Variants in AMDHD2 observed in about 807,000 individuals in gnomAD.
AMDHD2 encodes amidohydrolase domain containing 2, also known as N-acetylglucosamine-6-phosphate deacetylase.
A neutral mutation model predicts 41.8 loss-of-function variants in AMDHD2; 24 were observed. The observed-to-expected ratio is 0.57, with a 90% CI of 0.42 to 0.81. The LOEUF is 0.81. Among genes scored for constraint, AMDHD2 ranks in the 30% least tolerant of loss-of-function variants. The pLI is 0.00. For missense variants in AMDHD2, 540 were observed against 588.5 expected (o/e 0.92, Z 0.85); for synonymous variants, 332 against 255.5 (o/e 1.30, Z -2.85).
At position 2,528,245 on chromosome 16, in the gene AMDHD2, C is replaced by A. The variant is rs756465671; in HGVS notation, c.727C>A (p.Arg243Ser). ...LFNAMLPFHH[R>S]DPGIVGLLTS... is the part of the protein sequence containing the mutation. ...CCTCGCCCCTGCCCAGTTCCACCAC[C>A]GCGACCCAGGCATCGTGGGGCTCCT... is the stretch of plus-strand genomic sequence containing the variant. Residue 243 changes from arginine to serine, a missense_variant, in exon 7 of 11, where the codon CGC (arginine) becomes AGC (serine). By Grantham distance (110) the Arg-to-Ser change is moderately radical (BLOSUM62 -1). Coordinates refer to ENST00000293971, the MANE Select transcript of AMDHD2 (RefSeq NM_001330449.2). The A allele has an allele frequency of 1.9e-6, 3 of 1,612,000 alleles. No individual in the cohort carries two copies. Among genetic ancestry groups the A allele is most frequent in the Non-Finnish European group, 2.5e-6 (3 of 1,179,876 alleles).
In AMDHD2 at chr16:2,529,336, G is replaced by A; in HGVS notation, c.1142-139G>A. On this transcript the variant is annotated intron_variant, in intron 10 of 10. Transcript: ENST00000293971. Reference sequence around the variant, plus strand: ...CATTGTCCAGTACCTCTGTCCATCTGTGATGGGTCAGGGTGTCTTGCACTA... The same window carrying A: ...CATTGTCCAGTACCTCTGTCCATCTATGATGGGTCAGGGTGTCTTGCACTA... 5 of 1,367,522 alleles carry A rather than the reference G, an allele frequency of 3.7e-6. No homozygotes were observed. The South Asian group carries it at 6.4e-5, about 18-fold the overall frequency. The allele number at this position is 1,367,522 out of a possible 1,614,324, so 84.7% of individuals were successfully genotyped here.
intron 3 of AMDHD2, among the ~76,000 whole-genome samples, chr16:2,525,654 C>T (rs1166943655): frequency 1.3e-5 from 2 of 152,178 alleles, no homozygotes; most frequent in Non-Finnish European, 2.9e-5. Flanking sequence ...ACGCCATTCT[C>T]CTACCTCAGC....
In AMDHD2 at chr16:2,530,251, C is replaced by A. The variant is rs777411976; in HGVS notation, c.*688C>A. Reference sequence around the variant, plus strand: ...TCAATAACCCTATCTCTTCACACATCCCCAGGCCCAGTGCTTGCCGGCTGT... The same window carrying A: ...TCAATAACCCTATCTCTTCACACATACCCAGGCCCAGTGCTTGCCGGCTGT... On this transcript the variant is annotated 3_prime_UTR_variant, in exon 11 of 11. Coordinates refer to ENST00000293971, the MANE Select transcript of AMDHD2 (RefSeq NM_001330449.2). 3 of 1,606,420 alleles carry A rather than the reference C, an allele frequency of 1.9e-6. No individual in the cohort carries two copies. Among genetic ancestry groups the A allele is most frequent in the Admixed American group, 1.7e-5 (1 of 59,442 alleles).
chr16:2,529,699 G>T lies in AMDHD2; in HGVS notation c.*136G>T. 1 of 1,488,818 alleles carries T rather than the reference G, an allele frequency of 6.7e-7. No homozygotes were observed. Among genetic ancestry groups the T allele is most frequent in the Non-Finnish European group, 8.9e-7 (1 of 1,120,090 alleles). 92.2% of individuals were successfully genotyped at this position (1,488,818 alleles called of 1,614,324 possible). On this transcript the variant is annotated 3_prime_UTR_variant, in exon 11 of 11. Transcript: ENST00000293971. ...CAGGGCCTGTGCGGCCGCCCTGGAGGCGGTGGCTGGGATAAACGTGCACCC... is the reference window on the plus strand; with the variant it reads ...CAGGGCCTGTGCGGCCGCCCTGGAGTCGGTGGCTGGGATAAACGTGCACCC...
At chr16:2,525,761 G>A (rs1397559978) in intron 3 of AMDHD2, among the ~76,000 whole-genome samples, 4 of 152,160 alleles carry the variant, frequency 2.6e-5, no homozygotes, top group Non-Finnish European at 5.9e-5. Context: ...AGCCAGGATG[G>A]TCTCGATCTC....
Position 2,529,113 on chromosome 16 carries a change from G to A in AMDHD2, c.1141+18G>A, listed in dbSNP as rs1596999991. On this transcript the variant is annotated intron_variant, in intron 10 of 10. Coordinates refer to ENST00000293971, the MANE Select transcript of AMDHD2 (RefSeq NM_001330449.2). ...TGACGCAGGTGAGGGCCTGTCGCAGGGTCACCGGGCAGCCTGGCCCTGCCT... is the reference window on the plus strand; with the variant it reads ...TGACGCAGGTGAGGGCCTGTCGCAGAGTCACCGGGCAGCCTGGCCCTGCCT... 1.3e-6 allele frequency: 2 copies of A among 1,533,180 alleles called. No homozygotes were observed. Among genetic ancestry groups the A allele is most frequent in the South Asian group, 1.2e-5 (1 of 82,060 alleles). 95.0% of individuals were successfully genotyped at this position (1,533,180 alleles called of 1,614,324 possible). A position where few individuals can be genotyped will look rare whatever the true frequency, so the allele number is the denominator to read the frequency against.
In AMDHD2 at chr16:2,527,912, G is replaced by C. The variant is rs769793933; in HGVS notation, c.555G>C (p.Thr185=). ...YGPLDNVRIV[T]LAPELGRSHE... ...CCCTGGACAATGTCCGCATCGTGAC[G>C]CTGGCCCCAGAGTTGGGCCGTAGCC... The change falls in exon 5 of 11, where the codon ACG becomes ACC. Residue 185 remains threonine (T), a synonymous_variant. Transcript: ENST00000293971. This position sits in a 1 kb window ranked among gnomAD's most constrained non-coding sequence, Gnocchi z 6.1. 190 of 1,596,344 alleles carry C rather than the reference G, an allele frequency of 1.2e-4. No individual in the cohort carries two copies. The highest frequency in any genetic ancestry group is 1.5e-4 in the Non-Finnish European group (176 of 1,178,352).
chr16:2,531,254 C>G lies in AMDHD2; in HGVS notation c.*1691C>G. 3 of 763,482 alleles carry G rather than the reference C, an allele frequency of 3.9e-6. No homozygotes were observed. The highest frequency in any genetic ancestry group is 6.3e-6 in the Non-Finnish European group (3 of 476,682). The allele number at this position is 763,482 out of a possible 1,614,324, so 47.3% of individuals were successfully genotyped here. On this transcript the variant is annotated 3_prime_UTR_variant, in exon 11 of 11. Coordinates refer to ENST00000293971, the MANE Select transcript of AMDHD2 (RefSeq NM_001330449.2). Reference sequence around the variant, plus strand: ...TGGCAGAGATGGTTGGTCCACAGGGCTAGCCCTGGGTGGTGGGAGAGGGGC... The same window carrying G: ...TGGCAGAGATGGTTGGTCCACAGGGGTAGCCCTGGGTGGTGGGAGAGGGGC...
chr16:2,521,691 T>C lies in AMDHD2; in HGVS notation c.360+568T>C, dbSNP rs9934396. Among the ~76,000 whole-genome samples, 10 of 152,254 alleles carry C rather than the reference T, an allele frequency of 6.6e-5. No individual in the cohort carries two copies. In the East Asian group the frequency reaches 1.5e-3, roughly 23 times the overall value. On this transcript the variant is annotated intron_variant, in intron 3 of 10. Transcript: ENST00000293971. ...ACTTTTTGCTGTATGTTACTACTAT[T>C]CAGGCTCCTCTTGGCTGTACCTGTG... is the stretch of plus-strand genomic sequence containing the variant.
chr16:2,529,819 G>A lies in AMDHD2; in HGVS notation c.*256G>A. On this transcript the variant is annotated 3_prime_UTR_variant, in exon 11 of 11. Transcript: ENST00000293971. ...GAGAAGGCATTCACGGCCTGGGGTG[G>A]GATGGCTGGGCTGTAGTTTAGCCTG... is the stretch of plus-strand genomic sequence containing the variant. 2 of 1,425,498 alleles carry A rather than the reference G, an allele frequency of 1.4e-6. No individual in the cohort carries two copies. Among genetic ancestry groups the A allele is most frequent in the Middle Eastern group, 2.6e-4 (1 of 3,864 alleles). The allele number at this position is 1,425,498 out of a possible 1,614,324, so 88.3% of individuals were successfully genotyped here. A position where few individuals can be genotyped will look rare whatever the true frequency, so the allele number is the denominator to read the frequency against.
Position 2,520,561 on chromosome 16 carries a change from TGCGGGGCTGGGGACCGG to T in AMDHD2, c.83+27_83+43del. On this transcript the variant is annotated intron_variant, in intron 1 of 10. Transcript: ENST00000293971. ...GCTCAGGTGGGCGCGGGCCGGGGAC[TGCGGGGCTGGGGACCGG>T]GCGGGGTGCAGGGTGCGGGGCCGGG... is the stretch of plus-strand genomic sequence containing the variant. 2 of 1,108,714 alleles carry T rather than the reference TGCGGGGCTGGGGACCGG, an allele frequency of 1.8e-6. No homozygotes were observed. The highest frequency in any genetic ancestry group is 5.7e-5 in the East Asian group (1 of 17,396). 68.7% of individuals were successfully genotyped at this position (1,108,714 alleles called of 1,614,324 possible).
In AMDHD2 at chr16:2,529,522, T is replaced by G. The variant is rs1322409682; in HGVS notation, c.1189T>G (p.Ser397Ala). ...DSLHVQATYI[S>A]GELVWQADAA... ...CCTTCACGTCCAGGCCACCTACATC[T>G]CGGGTGAGCTGGTGTGGCAGGCGGA... is the stretch of plus-strand genomic sequence containing the variant. The change falls in exon 11 of 11, where the codon TCG becomes GCG. Residue 397 changes from serine (S) to alanine (A), a missense_variant. Physicochemically the swap from Ser to Ala is moderately conservative, Grantham distance 99. Transcript: ENST00000293971. The G allele has an allele frequency of 1.5e-5, 24 of 1,611,854 alleles. No homozygotes were observed. Among genetic ancestry groups the G allele is most frequent in the Non-Finnish European group, 2.0e-5 (24 of 1,179,944 alleles).
rs775682858 is a variant in AMDHD2 at position 2,520,910 on chromosome 16, G to T, written c.220+5G>T. ...TCATCGACGTGCAGATCAACGGTGC[G>T]GCCCGGGGCCGGCAGGGGAACCCAG... On this transcript the variant is annotated splice_donor_5th_base_variant and intron_variant, in intron 2 of 10. Transcript: ENST00000293971. 1.2e-6 allele frequency: 2 copies of T among 1,601,698 alleles called. No individual in the cohort carries two copies. The highest frequency in any genetic ancestry group is 1.7e-6 in the Non-Finnish European group (2 of 1,171,796).
chr16:2,526,153 C>T (rs559845788), intron 3 of AMDHD2, among the ~76,000 whole-genome samples: 1 of 148,496 alleles, frequency 6.7e-6, no homozygotes, highest in African/African-American at 2.6e-5. Context: ...CCCAGGCTGC[C>T]TGCTGACCTT....
Position 2,527,533 on chromosome 16 carries a change from C to T in AMDHD2, c.361-28C>T, listed in dbSNP as rs2066018917. ...GCCTCTGGGAATGGGCTGTGGGGGA[C>T]AGGGCTTTAACAGCTGGTTCCCCCC... On this transcript the variant is annotated intron_variant, in intron 3 of 10. Coordinates refer to ENST00000293971, the MANE Select transcript of AMDHD2 (RefSeq NM_001330449.2). The surrounding 1 kb of genome is among the most constrained non-coding windows in gnomAD (Gnocchi z 6.1). 1 of 1,605,462 alleles carries T rather than the reference C, an allele frequency of 6.2e-7. No homozygotes were observed. The highest frequency in any genetic ancestry group is 8.5e-7 in the Non-Finnish European group (1 of 1,176,404).
chr16:2,531,211 G>T lies in AMDHD2; in HGVS notation c.*1648G>T. 9.2e-7 allele frequency: 1 copy of T among 1,088,668 alleles called. No homozygotes were observed. Among genetic ancestry groups the T allele is most frequent in the Non-Finnish European group, 1.3e-6 (1 of 767,730 alleles). The allele number at this position is 1,088,668 out of a possible 1,614,324, so 67.4% of individuals were successfully genotyped here. A position where few individuals can be genotyped will look rare whatever the true frequency, so the allele number is the denominator to read the frequency against. ...CGGCCAGCGCCCCACCTCCCTGGCTGGAGGGTCGGGGAGGGGCTGGCAGAG... is the reference window on the plus strand; with the variant it reads ...CGGCCAGCGCCCCACCTCCCTGGCTTGAGGGTCGGGGAGGGGCTGGCAGAG... On this transcript the variant is annotated 3_prime_UTR_variant, in exon 11 of 11. Coordinates refer to ENST00000293971, the MANE Select transcript of AMDHD2 (RefSeq NM_001330449.2).
chr16:2,531,108 T>G lies in AMDHD2; in HGVS notation c.*1545T>G, dbSNP rs1163571965. On this transcript the variant is annotated 3_prime_UTR_variant, in exon 11 of 11. Transcript: ENST00000293971. ...AAACCCAGAGCTGGCATGTTGGTCA[T>G]CCCCACCTCAGACGGGACGCCCAGT... 1 of 1,544,200 alleles carries G rather than the reference T, an allele frequency of 6.5e-7. No homozygotes were observed. The highest frequency in any genetic ancestry group is 8.8e-7 in the Non-Finnish European group (1 of 1,134,784).
Position 2,531,068 on chromosome 16 carries a change from G to C in AMDHD2, c.*1505G>C, listed in dbSNP as rs547303573. The C allele has an allele frequency of 1.2e-4, 188 of 1,588,102 alleles. 4 individuals carry two copies. In the South Asian group the frequency reaches 2.0e-3, roughly 17 times the overall value. ...CTTGCTGGCTGTCAGTGCTTGATGT[G>C]CCCATCCTCAGCTAAAACCCAGAGC... On this transcript the variant is annotated 3_prime_UTR_variant, in exon 11 of 11. Transcript: ENST00000293971.
rs752260435 is a variant in AMDHD2 at position 2,520,889 on chromosome 16, C to G, written c.204C>G (p.Ile68Met). 1 of 1,608,650 alleles carries G rather than the reference C, an allele frequency of 6.2e-7. No individual in the cohort carries two copies. The highest frequency in any genetic ancestry group is 8.5e-7 in the Non-Finnish European group (1 of 1,177,148). Residue 68 changes from isoleucine to methionine, a missense_variant, in exon 2 of 11, where the codon ATC becomes ATG. By Grantham distance (10) the Ile-to-Met change is conservative. Coordinates refer to ENST00000293971, the MANE Select transcript of AMDHD2 (RefSeq NM_001330449.2). ...GCCGCATCTTGGCTCCCGGATTCAT[C>G]GACGTGCAGATCAACGGTGCGGCCC... Reference protein sequence around the residue: ...CGGRILAPGFIDVQINGGFGV... With the variant: ...CGGRILAPGFMDVQINGGFGV...
Sources: allele counts gnomAD v4.1 joint callset (sites outside exome capture counted in the v4.1 genomes callset), GRCh38; gene constraint gnomAD v4.1.1; non-coding constraint Gnocchi (gnomAD v3.1); transcripts MANE v1.5; gene names NCBI Gene and HGNC (gene_info 2026-07-23, HGNC 2026-07-21).